Variants in TDRD5 observed in about 807,000 individuals in gnomAD.
TDRD5 encodes the protein tudor domain containing 5.
A neutral mutation model predicts 120.6 loss-of-function variants in TDRD5; 41 were observed. That is an observed-to-expected ratio of 0.34 (90% CI 0.26 to 0.44). TDRD5 has a LOEUF of 0.44. TDRD5 is among the 20% of genes least tolerant of loss of function. TDRD5 has a pLI of 1.00. For missense variants in TDRD5, 1,006 were observed against 1,221.2 expected (o/e 0.82, Z 2.63); for synonymous variants, 430 against 433.7 (o/e 0.99, Z 0.11).
At chr1:179,678,818 G>GT (rs1190040279) in intron 17 of TDRD5, among the ~76,000 whole-genome samples, 2 of 151,884 alleles carry the variant, frequency 1.3e-5, no homozygotes, top group African/African-American at 4.8e-5. Context: ...TTTCATATGT[G>GT]GGGGAAAAAA....
Position 179,621,073 on chromosome 1 carries a change from A to G in TDRD5, c.954A>G (p.Lys318=), listed in dbSNP as rs1447018700. ...TCCCAGAGGGTTTGTTTATTTCTAA[A>G]CTGCTTGGAGAGTATGAGGTAAGTG... The part of the protein sequence containing the change: ...SKFPEGLFIS[K]LLGEYEVIFK... Residue 318 remains lysine (K), a synonymous_variant, in exon 6 of 18, where the codon AAA becomes AAG. Coordinates refer to ENST00000444136, the MANE Select transcript of TDRD5 (RefSeq NM_001199085.3). 4 of 1,603,034 alleles carry G rather than the reference A, an allele frequency of 2.5e-6. No homozygotes were observed. The highest frequency in any genetic ancestry group is 3.4e-6 in the Non-Finnish European group (4 of 1,176,806).
chr1:179,613,634 G>A (rs1244420849), intron 4 of TDRD5, among the ~76,000 whole-genome samples: 1 of 152,144 alleles, frequency 6.6e-6, no homozygotes, highest in East Asian at 1.9e-4. Flanking sequence ...ATAGATAGAG[G>A]TCTTTCATTG....
chr1:179,634,467 T>A lies in TDRD5; in HGVS notation c.1137T>A (p.Asp379Glu). The change falls in exon 8 of 18, where the codon GAT (aspartate) becomes GAA (glutamate). Residue 379 changes from aspartate to glutamate, a missense_variant. By Grantham distance (45) the Asp-to-Glu change is conservative. This residue lies in a region of TDRD5 where 445 missense variants were observed against 515.5 expected (regional missense o/e 0.86). Coordinates refer to ENST00000444136, the MANE Select transcript of TDRD5 (RefSeq NM_001199085.3). The part of the protein sequence containing the change: ...DKKPLPPVQS[D>E]KKIEAKACVS... Reference sequence around the variant, plus strand: ...GAAATTTGTGTTTAGTTCAGTCAGATAAGAAAATAGAAGCCAAAGCTTGTG... The same window carrying A: ...GAAATTTGTGTTTAGTTCAGTCAGAAAAGAAAATAGAAGCCAAAGCTTGTG... 6.3e-7 allele frequency: 1 copy of A among 1,596,764 alleles called. No homozygotes were observed. The highest frequency in any genetic ancestry group is 8.5e-7 in the Non-Finnish European group (1 of 1,175,946).
At chr1:179,636,951 G>C (rs1408473509) in intron 9 of TDRD5, among the ~76,000 whole-genome samples, 1 of 152,122 alleles carries the variant, frequency 6.6e-6, no homozygotes, top group Non-Finnish European at 1.5e-5. Flanking sequence ...TCGTCTTCCA[G>C]GTAAAAATCA....
intron 16 of TDRD5, among the ~76,000 whole-genome samples, chr1:179,663,901 G>A (rs1679438846): frequency 6.6e-6 from 1 of 152,246 alleles, no homozygotes; most frequent in South Asian, 2.1e-4. Flanking sequence ...GCATAGTCTA[G>A]ACTGGTTTCT....
chr1:179,601,451 T>C (rs1215577179), intron 4 of TDRD5, among the ~76,000 whole-genome samples: 1 of 152,150 alleles, frequency 6.6e-6, no homozygotes, highest in Admixed American at 6.5e-5. Context: ...CCAAAGTCTT[T>C]GTATCATTCT....
At position 179,595,686 on chromosome 1, in the gene TDRD5, G is replaced by A. The variant is rs201129854; in HGVS notation, c.699G>A (p.Pro233=). The A allele has an allele frequency of 3.1e-5, 50 of 1,613,298 alleles. No homozygotes were observed. The African/African-American group carries it at 4.0e-4, about 13-fold the overall frequency. The change falls in exon 4 of 18, where the codon CCG becomes CCA. Residue 233 remains proline (P), a synonymous_variant. Transcript: ENST00000444136. ...AAGGGTCATACTCCACAGGCTTTCCGGTAGCAAAGCCATGCTTTTCACAAC... is the reference window on the plus strand; with the variant it reads ...AAGGGTCATACTCCACAGGCTTTCCAGTAGCAAAGCCATGCTTTTCACAAC... ...MKQGSYSTGF[P]VAKPCFSQPT...
intron 17 of TDRD5, among the ~76,000 whole-genome samples, 184 bp downstream of exon 17, chr1:179,669,588 T>C (rs1026767246): frequency 6.6e-6 from 1 of 152,226 alleles, no homozygotes. Flanking sequence ...CCACTCTTCT[T>C]TTTTTCTGCA....
At chr1:179,641,184 C>G (rs1006566980) in intron 11 of TDRD5, among the ~76,000 whole-genome samples, 2 of 152,090 alleles carry the variant, frequency 1.3e-5, no homozygotes, top group African/African-American at 4.8e-5. Context: ...ATCTAAATAA[C>G]TTATCAGTTG....
At chr1:179,606,508 C>T (rs1485998828) in intron 4 of TDRD5, among the ~76,000 whole-genome samples, 1 of 151,992 alleles carries the variant, frequency 6.6e-6, no homozygotes, top group Non-Finnish European at 1.5e-5. Flanking sequence ...AAACTCATCG[C>T]CTTATCCAAA....
chr1:179,595,352 C>T (rs1331874135), intron 3 of TDRD5, among the ~76,000 whole-genome samples: 1 of 152,054 alleles, frequency 6.6e-6, no homozygotes, highest in Admixed American at 6.6e-5. Context: ...TGAATCCCAC[C>T]TCTCTATAAT....
Position 179,592,481 on chromosome 1 carries a change from T to C in TDRD5, c.-14-121T>C, listed in dbSNP as rs1005657856. ...AAGCCGCAGGGCACCCTCATACTAC[T>C]ACTTCTGCCTTATTACCCTTAAAAC... On this transcript the variant is annotated intron_variant, in intron 1 of 17. Transcript: ENST00000444136. 8.1e-6 allele frequency: 6 copies of C among 743,584 alleles called. No individual in the cohort carries two copies. The African/African-American group carries it at 8.8e-5, about 11-fold the overall frequency. The allele number at this position is 743,584 out of a possible 1,614,324, so 46.1% of individuals were successfully genotyped here. A position where few individuals can be genotyped will look rare whatever the true frequency, so the allele number is the denominator to read the frequency against.
At chr1:179,605,552 A>G (rs10913830) in intron 4 of TDRD5, among the ~76,000 whole-genome samples, 14,602 of 152,132 alleles carry the variant, frequency 0.096, 802 homozygotes, top group African/African-American at 0.13. Flanking sequence ...GTAATGACAT[A>G]TATCCACTAT....
At chr1:179,624,583 C>T (rs371250722) in intron 6 of TDRD5, among the ~76,000 whole-genome samples, 9 of 152,146 alleles carry the variant, frequency 5.9e-5, no homozygotes, top group Non-Finnish European at 8.8e-5. Context: ...GGTTAGTATA[C>T]GGAAATCAAT....
At chr1:179,651,193 C>T in intron 12 of TDRD5, 126 bp downstream of exon 12, 1 of 1,064,702 alleles carries the variant, frequency 9.4e-7, no homozygotes. Context: ...CCACGAGATT[C>T]CTGGCTTTTT....
intron 17 of TDRD5, among the ~76,000 whole-genome samples, chr1:179,676,412 C>G (rs1680151647): frequency 1.3e-5 from 2 of 152,012 alleles, no homozygotes; most frequent in Non-Finnish European, 2.9e-5. Flanking sequence ...TGCCTGAATA[C>G]CTTGTTTTTT....
chr1:179,599,703 A>T lies in TDRD5; in HGVS notation c.831+3885A>T, dbSNP rs530013774. ...CTCTTTATCTGTCTCTATCTCTCTC[A>T]TACACATATCAGTCTCACTAAAGAT... On this transcript the variant is annotated intron_variant, in intron 4 of 17. Transcript: ENST00000444136. Among the ~76,000 whole-genome samples, 3 of 152,180 alleles carry T rather than the reference A, an allele frequency of 2.0e-5. No homozygotes were observed. In the East Asian group the frequency reaches 5.8e-4, roughly 29 times the overall value.
chr1:179,681,730 A>G (rs1680430529), intron 17 of TDRD5, among the ~76,000 whole-genome samples: 1 of 151,390 alleles, frequency 6.6e-6, no homozygotes, highest in Non-Finnish European at 1.5e-5. Flanking sequence ...AGGACCAAAA[A>G]AAAATTAATT....
intron 4 of TDRD5, among the ~76,000 whole-genome samples, chr1:179,607,133 C>T (rs1293783395): frequency 6.6e-6 from 1 of 152,078 alleles, no homozygotes; most frequent in Non-Finnish European, 1.5e-5. Context: ...TAGTATTCCT[C>T]ATACAGATCT....
Sources: allele counts gnomAD v4.1 joint callset (sites outside exome capture counted in the v4.1 genomes callset), GRCh38; gene constraint gnomAD v4.1.1; regional missense constraint gnomAD v4.1.1; transcripts MANE v1.5; gene names NCBI Gene and HGNC (gene_info 2026-07-23, HGNC 2026-07-21).